Variants in ADAM29 observed in about 807,000 individuals in gnomAD.
ADAM29 encodes disintegrin and metalloproteinase domain-containing protein 29.
For synonymous variants in ADAM29, 367 were observed against 342.3 expected, an observed-to-expected ratio of 1.07 and a Z score of -0.80; for missense variants, 969 against 1,001.8, an observed-to-expected ratio of 0.97 and a Z score of 0.44.
chr4:174,977,636 TA>T lies in ADAM29; in HGVS notation c.2117del (p.Lys706SerfsTer31). 6.2e-7 allele frequency: 1 copy of T among 1,614,044 alleles called. No individual in the cohort carries two copies. The highest frequency in any genetic ancestry group is 2.2e-5 in the East Asian group (1 of 44,882). ...LYRLCKKSKP[I>X]KKQQDVQTPS... ...CGACTTTGTAAAAAAAGTAAACCAATAAAAAAGCAGCAAGATGTTCAAACTC... is the reference window on the plus strand; with the variant it reads ...CGACTTTGTAAAAAAAGTAAACCAATAAAAAGCAGCAAGATGTTCAAACTC... On this transcript the variant is annotated frameshift_variant, in exon 5 of 5. Coordinates refer to ENST00000359240, the MANE Select transcript of ADAM29 (RefSeq NM_014269.4). LOFTEE classifies it low-confidence loss of function (END_TRUNC).
At chr4:174,964,212 C>G (rs750762403) in intron 4 of ADAM29, among the ~76,000 whole-genome samples, 3 of 151,558 alleles carry the variant, frequency 2.0e-5, no homozygotes, top group South Asian at 4.2e-4. Context: ...AGGGTGGGCT[C>G]GAATCCAATT....
chr4:174,968,138 G>A (rs1195283994), intron 4 of ADAM29, among the ~76,000 whole-genome samples: 1 of 152,102 alleles, frequency 6.6e-6, no homozygotes, highest in African/African-American at 2.4e-5. Flanking sequence ...TGAACACCAT[G>A]AGCTAGATCT....
intron 2 of ADAM29, among the ~76,000 whole-genome samples, chr4:174,923,052 A>C (rs1204308279): frequency 1.4e-5 from 2 of 144,182 alleles, no homozygotes; most frequent in South Asian, 2.1e-4. Context: ...TATTAGCATT[A>C]ATTAATTATT....
At chr4:174,946,024 A>G (rs1394425906) in intron 4 of ADAM29, among the ~76,000 whole-genome samples, 1 of 152,072 alleles carries the variant, frequency 6.6e-6, no homozygotes, top group East Asian at 1.9e-4. Flanking sequence ...CTAATTATGT[A>G]AAGAATGTCA....
chr4:174,936,333 G>T (rs1744199388), intron 3 of ADAM29, among the ~76,000 whole-genome samples: 1 of 151,788 alleles, frequency 6.6e-6, no homozygotes, highest in African/African-American at 2.4e-5. Context: ...GATTTTGAAA[G>T]GTCAAAAGTT....
chr4:174,952,416 T>A (rs1745234389), intron 4 of ADAM29, among the ~76,000 whole-genome samples: 1 of 152,028 alleles, frequency 6.6e-6, no homozygotes, highest in African/African-American at 2.4e-5. Flanking sequence ...GTGACTGAGA[T>A]CTTCCCAAAA....
intron 2 of ADAM29, among the ~76,000 whole-genome samples, chr4:174,928,107 C>G (rs902562190): frequency 6.6e-6 from 1 of 152,050 alleles, no homozygotes; most frequent in African/African-American, 2.4e-5. Flanking sequence ...AACGTTTTCC[C>G]TAAGGGTATA....
chr4:174,957,893 C>G (rs551876284), intron 4 of ADAM29, among the ~76,000 whole-genome samples: 1 of 151,856 alleles, frequency 6.6e-6, no homozygotes, highest in African/African-American at 2.4e-5. Flanking sequence ...GGTGATGATG[C>G]CTGGATCTGA....
At chr4:174,944,638 G>A (rs116196682) in intron 4 of ADAM29, among the ~76,000 whole-genome samples, 2 of 152,076 alleles carry the variant, frequency 1.3e-5, no homozygotes, top group Non-Finnish European at 2.9e-5. Flanking sequence ...CAGGTAGTAC[G>A]CATAGTACCT....
chr4:174,932,164 G>A (rs967413883), intron 3 of ADAM29, among the ~76,000 whole-genome samples: 6 of 151,994 alleles, frequency 3.9e-5, no homozygotes, highest in East Asian at 1.9e-4. Flanking sequence ...GCACATACCC[G>A]TAATCCCAGC....
chr4:174,949,733 G>A (rs773171474), intron 4 of ADAM29, among the ~76,000 whole-genome samples: 13 of 151,876 alleles, frequency 8.6e-5, no homozygotes, highest in East Asian at 1.9e-4. Flanking sequence ...CCTGAATCCC[G>A]TCCTATTTCT....
intron 2 of ADAM29, among the ~76,000 whole-genome samples, chr4:174,926,421 A>G (rs1300162817): frequency 2.0e-5 from 3 of 152,076 alleles, no homozygotes; most frequent in African/African-American, 7.2e-5. Flanking sequence ...TTTAACTATG[A>G]AGATTTAATA....
chr4:174,949,764 C>T (rs1355007376), intron 4 of ADAM29, among the ~76,000 whole-genome samples: 1 of 152,060 alleles, frequency 6.6e-6, no homozygotes, highest in East Asian at 1.9e-4. Context: ...CACCATTATT[C>T]TTGCACCTCC....
chr4:174,974,245 G>T (rs1746626605), intron 4 of ADAM29, among the ~76,000 whole-genome samples: 1 of 152,162 alleles, frequency 6.6e-6, no homozygotes, highest in Non-Finnish European at 1.5e-5. Flanking sequence ...TTAGTCATTT[G>T]GCCAGAAAGT....
Position 174,975,863 on chromosome 4 carries a change from T to A in ADAM29, c.338T>A (p.Leu113Gln), listed in dbSNP as rs1160885252. 2 of 1,613,876 alleles carry A rather than the reference T, an allele frequency of 1.2e-6. No homozygotes were observed. Among genetic ancestry groups the A allele is most frequent in the Admixed American group, 3.3e-5 (2 of 59,966 alleles). Reference sequence around the variant, plus strand: ...TATGTGGAAGGGGACCCAGAATCCCTGGTTTCCCTCAGTACCTGTTTTGGG... The same window carrying A: ...TATGTGGAAGGGGACCCAGAATCCCAGGTTTCCCTCAGTACCTGTTTTGGG... ...HGYVEGDPES[L>Q]VSLSTCFGGF... Residue 113 changes from leucine to glutamine, a missense_variant, in exon 5 of 5, where the codon CTG becomes CAG. Leu to Gln is a moderately radical substitution (Grantham distance 113). Transcript: ENST00000359240.
In ADAM29 at chr4:174,922,045, AC is replaced by A. The variant is rs1365876920; in HGVS notation, c.-451+1255del. Among the ~76,000 whole-genome samples, 3 of 152,148 alleles carry A rather than the reference AC, an allele frequency of 2.0e-5. No homozygotes were observed. In the East Asian group the frequency reaches 5.8e-4, roughly 29 times the overall value. ...CTAAATTAGTTAATGATTCTTTTTA[AC>A]CTTTGGGATCTTGGTTTGATGGAAG... On this transcript the variant is annotated intron_variant, in intron 2 of 4. Coordinates refer to ENST00000359240, the MANE Select transcript of ADAM29 (RefSeq NM_014269.4).
At chr4:174,965,481 T>A (rs1746093801) in intron 4 of ADAM29, among the ~76,000 whole-genome samples, 1 of 130,060 alleles carries the variant, frequency 7.7e-6, no homozygotes, top group African/African-American at 3.0e-5. Context: ...AAGCTCTATC[T>A]ATCATCTATC....
chr4:174,958,421 C>T (rs1251100914), intron 4 of ADAM29, among the ~76,000 whole-genome samples: 1 of 151,796 alleles, frequency 6.6e-6, no homozygotes, highest in Non-Finnish European at 1.5e-5. Context: ...TTATCCCTGA[C>T]AATTTCCCCT....
At chr4:174,968,938 C>T (rs1031283856) in intron 4 of ADAM29, among the ~76,000 whole-genome samples, 1 of 151,980 alleles carries the variant, frequency 6.6e-6, no homozygotes, top group Admixed American at 6.6e-5. Context: ...TACATTTAAA[C>T]TCACATAAAT....
Sources: gnomAD v4.1 joint callset for allele counts (sites outside exome capture counted in the v4.1 genomes callset) on GRCh38, gnomAD v4.1.1 for gene constraint, MANE v1.5 for transcripts, NCBI Gene and HGNC (gene_info 2026-07-23, HGNC 2026-07-21) for gene names.